CYLD: variants seen among roughly 807,000 people sequenced by gnomAD.
CYLD encodes CYLD lysine 63 deubiquitinase.
In CYLD, 26 loss-of-function variants were observed where a neutral mutation model predicts 104.5. The observed-to-expected ratio is 0.25, with a 90% CI of 0.18 to 0.35. CYLD has a LOEUF of 0.35. CYLD is among the 10% of genes least tolerant of loss of function. The pLI is 1.00. For missense variants in CYLD, 703 were observed against 1,136.1 expected, an observed-to-expected ratio of 0.62 and a Z score of 5.48; for synonymous variants, 385 against 399.9, an observed-to-expected ratio of 0.96 and a Z score of 0.45.
chr16:50,789,135 A>G (rs1270816528), intron 14 of CYLD, among the ~76,000 whole-genome samples: 1 of 152,234 alleles, frequency 6.6e-6, no homozygotes, highest in East Asian at 1.9e-4. Flanking sequence ...ATAGTGTGTG[A>G]TACTAGCATA....
intron 17 of CYLD, 70 bp downstream of exon 17, chr16:50,793,734 G>A: frequency 2.9e-6 from 3 of 1,032,062 alleles, no homozygotes; most frequent in Non-Finnish European, 4.6e-6. Flanking sequence ...AAAACACAAT[G>A]CTCGTTTTGG....
At position 50,796,059 on chromosome 16, in the gene CYLD, A is replaced by T. The variant is rs917659386; in HGVS notation, c.2687-265A>T. Among the ~76,000 whole-genome samples the T allele has an allele frequency of 2.0e-5, 3 of 152,298 alleles. No individual in the cohort carries two copies. The East Asian group carries it at 5.8e-4, about 29-fold the overall frequency. ...GTATTGATAATATGATTCAGAGAGA[A>T]GTCTGGAAAGTAGGTTGGGGGCTTA... On this transcript the variant is annotated intron_variant, in intron 18 of 18. Coordinates refer to ENST00000427738, the MANE Select transcript of CYLD (RefSeq NM_001378743.1).
intron 10 of CYLD, among the ~76,000 whole-genome samples, chr16:50,782,038 A>C (rs1970268874): frequency 6.6e-6 from 1 of 152,218 alleles, no homozygotes; most frequent in South Asian, 2.1e-4. Flanking sequence ...ACTTCAGATA[A>C]ATAGTGAAAT....
chr16:50,756,747 G>T (rs1236387229), intron 5 of CYLD, among the ~76,000 whole-genome samples: 1 of 152,158 alleles, frequency 6.6e-6, no homozygotes, highest in Admixed American at 6.5e-5. Context: ...TGAGTTAGAC[G>T]ACTTAATACT....
Position 50,778,641 on chromosome 16 carries a change from T to C in CYLD, c.1138+700T>C, listed in dbSNP as rs1324917077. ...AACTTCCTCGGGAGAAGAAATAGCA[T>C]AGGGAAAGTCCTCCTGGAAGAATGG... On this transcript the variant is annotated intron_variant, in intron 8 of 18. Coordinates refer to ENST00000427738, the MANE Select transcript of CYLD (RefSeq NM_001378743.1). Among the ~76,000 whole-genome samples the C allele has an allele frequency of 9.9e-5, 15 of 152,246 alleles. No homozygotes were observed. The East Asian group carries it at 2.3e-3, about 24-fold the overall frequency.
In CYLD at chr16:50,794,439, C is replaced by T. The variant is rs770894327; in HGVS notation, c.2686+11C>T. On this transcript the variant is annotated intron_variant, in intron 18 of 18. Coordinates refer to ENST00000427738, the MANE Select transcript of CYLD (RefSeq NM_001378743.1). This position sits in a 1 kb window ranked among gnomAD's most constrained non-coding sequence, Gnocchi z 4.1. ...TGGCCGATCGGGATGGTACTGAAAA[C>T]GCCTTTCTTCTGCATGTGGCACAGG... 1.7e-5 allele frequency: 27 copies of T among 1,613,462 alleles called. No homozygotes were observed. The highest frequency in any genetic ancestry group is 1.6e-4 in the Middle Eastern group (1 of 6,082).
At chr16:50,772,263 T>C (rs1225166727) in intron 5 of CYLD, among the ~76,000 whole-genome samples, 1 of 152,164 alleles carries the variant, frequency 6.6e-6, no homozygotes, top group Non-Finnish European at 1.5e-5. Context: ...AAGAATGTAG[T>C]CAAGAAGAAA....
At chr16:50,757,598 G>A (rs1481949180) in intron 5 of CYLD, among the ~76,000 whole-genome samples, 3 of 151,616 alleles carry the variant, frequency 2.0e-5, no homozygotes, top group African/African-American at 4.9e-5. Context: ...GTGCAGTGGC[G>A]TGGTCTCTGC....
chr16:50,754,940 TATATACACACATATATAC>T (rs1010086423), intron 5 of CYLD, among the ~76,000 whole-genome samples: 3 of 147,646 alleles, frequency 2.0e-5, no homozygotes, highest in Non-Finnish European at 3.0e-5. Flanking sequence ...CACATATGTA[TATATACACACATATATAC>T]ATATACACAC....
At chr16:50,789,537 G>C (rs1394995658) in intron 14 of CYLD, among the ~76,000 whole-genome samples, 1 of 151,992 alleles carries the variant, frequency 6.6e-6, no homozygotes, top group Non-Finnish European at 1.5e-5. Context: ...AAGGGCCCTG[G>C]GAAGTTCTTA....
rs1966991448 is a variant in CYLD, at chr16:50,755,116, CACATGTGTATAT to C, written c.913+694_913+705del. 1.4e-4 allele frequency among the ~76,000 whole-genome samples: 5 copies of C among 35,296 alleles called. 1 individual carries two copies. The highest frequency in any genetic ancestry group is 0.014 in the Middle Eastern group (1 of 70). 23.2% of individuals were successfully genotyped at this position (35,296 alleles called of 152,430 possible). A position where few individuals can be genotyped will look rare whatever the true frequency, so the allele number is the denominator to read the frequency against. ...ATACATACATATATACACACATATA[CACATGTGTATAT>C]ATACACACGTGTACATATGTGTGTA... On this transcript the variant is annotated intron_variant, in intron 5 of 18. Transcript: ENST00000427738.
At chr16:50,768,946 G>C (rs1317698500) in intron 5 of CYLD, among the ~76,000 whole-genome samples, 1 of 152,062 alleles carries the variant, frequency 6.6e-6, no homozygotes, top group African/African-American at 2.4e-5. Context: ...ACATTTTTAA[G>C]GATTTTACAA....
At chr16:50,792,795 C>A in intron 16 of CYLD, 90 bp downstream of exon 16, 1 of 719,914 alleles carries the variant, frequency 1.4e-6, no homozygotes, top group South Asian at 1.6e-5. Flanking sequence ...TCTAACTGGA[C>A]ACAGTATTTC....
chr16:50,763,700 G>T (rs970526566), intron 5 of CYLD, among the ~76,000 whole-genome samples: 2 of 152,152 alleles, frequency 1.3e-5, no homozygotes. Context: ...CATAATAACA[G>T]TTTTGCCTCT....
intron 5 of CYLD, among the ~76,000 whole-genome samples, chr16:50,755,130 T>TAC (rs1237955382): frequency 8.5e-5 from 6 of 70,268 alleles, no homozygotes; most frequent in South Asian, 3.3e-4. Flanking sequence ...TGTGTATATA[T>TAC]ACACACGTGT....
chr16:50,777,449 G>T (rs926941476), intron 7 of CYLD, among the ~76,000 whole-genome samples: 1 of 152,016 alleles, frequency 6.6e-6, no homozygotes, highest in African/African-American at 2.4e-5. Flanking sequence ...AAAATAATAG[G>T]TTAAATTTGT....
In CYLD at chr16:50,782,508, A is replaced by G. The variant is rs760720767; in HGVS notation, c.1826+42A>G. 4 of 1,603,390 alleles carry G rather than the reference A, an allele frequency of 2.5e-6. No individual in the cohort carries two copies. In the Admixed American group the frequency reaches 6.7e-5, roughly 27 times the overall value. The stretch of plus-strand genomic sequence containing the variant: ...TGCAATAGGTATAGATAGTGCCATG[A>G]GGCAGGGACACATACCGGTGTGTGT... On this transcript the variant is annotated intron_variant, in intron 11 of 18. Coordinates refer to ENST00000427738, the MANE Select transcript of CYLD (RefSeq NM_001378743.1).
Position 50,787,624 on chromosome 16 carries a change from GT to G in CYLD, c.2042-157del, listed in dbSNP as rs1357088971. ...TTATAACTTATTAAATGTCTTTTAT[GT>G]TTTTCCTTTGTCAGGAAAACTTGAA... On this transcript the variant is annotated intron_variant, in intron 13 of 18. Transcript: ENST00000427738. 1.2e-5 allele frequency: 7 copies of G among 560,086 alleles called. No individual in the cohort carries two copies. The East Asian group carries it at 2.1e-4, about 17-fold the overall frequency. The allele number at this position is 560,086 out of a possible 1,614,324, so 34.7% of individuals were successfully genotyped here. A position where few individuals can be genotyped will look rare whatever the true frequency, so the allele number is the denominator to read the frequency against.
At chr16:50,787,005 G>C in intron 13 of CYLD, 59 bp downstream of exon 13, 1 of 1,360,184 alleles carries the variant, frequency 7.4e-7, no homozygotes, top group Non-Finnish European at 1.1e-6. Context: ...ACATGTCAAA[G>C]TATTAGCTGA....
Sources: gnomAD v4.1 joint callset for allele counts (sites outside exome capture counted in the v4.1 genomes callset) on GRCh38, gnomAD v4.1.1 for gene constraint, Gnocchi (gnomAD v3.1) non-coding constraint, MANE v1.5 for transcripts, NCBI Gene and HGNC (gene_info 2026-07-23, HGNC 2026-07-21) for gene names.